PCDHGA2: variants seen among roughly 807,000 people sequenced by gnomAD.
PCDHGA2 encodes protocadherin gamma-A2.
PCDHGA2 carries 40 observed loss-of-function variants against 59.2 expected under a neutral mutation model. The observed-to-expected ratio is 0.68, with a 90% CI of 0.52 to 0.88. The LOEUF is 0.88. Among genes scored for constraint, PCDHGA2 ranks in the 40% least tolerant of loss-of-function variants. The pLI, the probability that PCDHGA2 is intolerant of heterozygous loss-of-function variation, is 0.00. For missense variants in PCDHGA2, 1,226 were observed against 1,204.0 expected, an observed-to-expected ratio of 1.02 and a Z score of -0.27; for synonymous variants, 560 against 526.0, an observed-to-expected ratio of 1.06 and a Z score of -0.89.
rs1467212186 is a variant in PCDHGA2 at position 141,339,780 on chromosome 5, A to T, written c.809A>T (p.Asp270Val). 6.2e-7 allele frequency: 1 copy of T among 1,614,110 alleles called. No homozygotes were observed. Among genetic ancestry groups the T allele is most frequent in the Admixed American group, 1.7e-5 (1 of 60,002 alleles). The change falls in exon 1 of 4, where the codon GAT becomes GTT. Residue 270 changes from aspartate (D) to valine (V), a missense_variant. Coordinates refer to ENST00000394576, the MANE Select transcript of PCDHGA2 (RefSeq NM_018915.4). ...CTCACGGTGACCGCCACTGACGCAG[A>T]TGAGGGCTACTACGCTCAAGTGGTA... is the stretch of plus-strand genomic sequence containing the variant. ...RILTVTATDA[D>V]EGYYAQVVYF...
intron 1 of PCDHGA2, among the ~76,000 whole-genome samples, chr5:141,436,328 A>G (rs146180035): frequency 6.6e-6 from 1 of 152,326 alleles, no homozygotes; most frequent in East Asian, 1.9e-4. Flanking sequence ...CTGTTAGACC[A>G]TATCTCAAAT....
intron 1 of PCDHGA2, among the ~76,000 whole-genome samples, chr5:141,451,108 G>A (rs1484218835): frequency 3.3e-5 from 5 of 151,860 alleles, no homozygotes; most frequent in South Asian, 2.1e-4. Flanking sequence ...GATTACAGGC[G>A]TGAGCCACCA....
At chr5:141,383,537 C>T in intron 1 of PCDHGA2, 1 of 1,612,570 alleles carries the variant, frequency 6.2e-7, no homozygotes, top group African/African-American at 1.3e-5. Flanking sequence ...CTGGTCCTCA[C>T]AGCCTCTGAT....
intron 1 of PCDHGA2, among the ~76,000 whole-genome samples, chr5:141,435,652 G>C (rs978809372): frequency 6.6e-6 from 1 of 152,108 alleles, no homozygotes; most frequent in Non-Finnish European, 1.5e-5. Context: ...TTTCTGAAAC[G>C]TGCACAGATT....
At chr5:141,420,311 T>C (rs762191274) in intron 1 of PCDHGA2, 102 of 1,454,698 alleles carry the variant, frequency 7.0e-5, no homozygotes, top group Non-Finnish European at 9.3e-5. Flanking sequence ...CTTTTTATAT[T>C]ACAATATGCC....
intron 1 of PCDHGA2, among the ~76,000 whole-genome samples, chr5:141,348,106 A>G (rs1316690272): frequency 1.3e-5 from 2 of 152,266 alleles, no homozygotes; most frequent in Non-Finnish European, 2.9e-5. Context: ...CTTATTCTGC[A>G]ATTTATGAAA....
Position 141,365,565 on chromosome 5 carries a change from G to A in PCDHGA2, c.2424+24170G>A, listed in dbSNP as rs140294664. The A allele has an allele frequency of 1.9e-6, 3 of 1,613,720 alleles. No individual in the cohort carries two copies. The Admixed American group carries it at 5.0e-5, about 27-fold the overall frequency. On this transcript the variant is annotated intron_variant, in intron 1 of 3. Transcript: ENST00000394576. ...CTATTAACAACTAGGGACCTGGACA[G>A]AGAAGAGACTTCAGATTATAATATC...
At chr5:141,470,469 A>T (rs1423801455) in intron 1 of PCDHGA2, among the ~76,000 whole-genome samples, 1 of 152,194 alleles carries the variant, frequency 6.6e-6, no homozygotes, top group Non-Finnish European at 1.5e-5. Context: ...ATTTTCTGAT[A>T]TTACTAACCC....
At chr5:141,344,637 C>T in intron 1 of PCDHGA2, 2 of 1,613,842 alleles carry the variant, frequency 1.2e-6, no homozygotes, top group East Asian at 2.2e-5. Context: ...GGCCCTGGAC[C>T]GTGAGAAAAA....
chr5:141,343,288 T>C (rs749521928), intron 1 of PCDHGA2: 14 of 968,282 alleles, frequency 1.4e-5, no homozygotes, highest in Admixed American at 6.2e-5. Flanking sequence ...TAAAGAAATA[T>C]AATGTATAAA....
At chr5:141,399,842 A>G (rs749737928) in intron 1 of PCDHGA2, 11 of 1,612,852 alleles carry the variant, frequency 6.8e-6, no homozygotes, top group Non-Finnish European at 8.5e-7. Flanking sequence ...GCGCTCTTCG[A>G]TATGGTGCCG....
intron 1 of PCDHGA2, chr5:141,422,395 C>T: frequency 1.9e-6 from 3 of 1,596,286 alleles, no homozygotes; most frequent in South Asian, 1.1e-5. Context: ...TATTCCTAAC[C>T]ACCTGCCTTT....
In PCDHGA2 at chr5:141,338,773, G is replaced by A. The variant is rs1756776385; in HGVS notation, c.-199G>A. Reference sequence around the variant, plus strand: ...AGCGAGACATCCAATCCAGCAATACGGCTCCCACAGCACAAGGGGGTGGAG... The same window carrying A: ...AGCGAGACATCCAATCCAGCAATACAGCTCCCACAGCACAAGGGGGTGGAG... On this transcript the variant is annotated 5_prime_UTR_variant, in exon 1 of 4. Transcript: ENST00000394576. 1 of 1,283,338 alleles carries A rather than the reference G, an allele frequency of 7.8e-7. No homozygotes were observed. Among genetic ancestry groups the A allele is most frequent in the East Asian group, 2.9e-5 (1 of 34,534 alleles). The allele number at this position is 1,283,338 out of a possible 1,614,324, so 79.5% of individuals were successfully genotyped here.
At position 141,490,027 on chromosome 5, in the gene PCDHGA2, C is replaced by T. The variant is rs767829552; in HGVS notation, c.2425-4780C>T. Reference sequence around the variant, plus strand: ...TGCACCCATTGGTACTCTGCTGCTCCGCCTCAATGCCACTGATCCAGACGA... The same window carrying T: ...TGCACCCATTGGTACTCTGCTGCTCTGCCTCAATGCCACTGATCCAGACGA... On this transcript the variant is annotated intron_variant, in intron 1 of 3. Coordinates refer to ENST00000394576, the MANE Select transcript of PCDHGA2 (RefSeq NM_018915.4). This position sits in a 1 kb window ranked among gnomAD's most constrained non-coding sequence, Gnocchi z 5.4. The T allele has an allele frequency of 2.4e-5, 39 of 1,614,096 alleles. No homozygotes were observed. The highest frequency in any genetic ancestry group is 4.0e-5 in the African/African-American group (3 of 74,942).
chr5:141,348,850 C>A (rs1758192958), intron 1 of PCDHGA2, among the ~76,000 whole-genome samples: 1 of 151,946 alleles, frequency 6.6e-6, no homozygotes, highest in South Asian at 2.1e-4. Context: ...GTGAGCACTG[C>A]AAAATAGTAG....
intron 1 of PCDHGA2, chr5:141,427,723 G>T: frequency 8.9e-7 from 1 of 1,127,490 alleles, no homozygotes; most frequent in East Asian, 2.4e-5. Flanking sequence ...CTGGACCTAG[G>T]GCTGAATGGC....
intron 1 of PCDHGA2, chr5:141,375,758 G>C (rs1473514742): frequency 1.2e-6 from 2 of 1,614,230 alleles, no homozygotes; most frequent in East Asian, 2.2e-5. Flanking sequence ...GAATGACAAT[G>C]CGCCCGAGAT....
At position 141,341,146 on chromosome 5, in the gene PCDHGA2, G is replaced by T. The variant is rs748255386; in HGVS notation, c.2175G>T (p.Leu725=). ...GGCGCTGGCACAAGTCACGCCTGCTGCAGGCTTCAGGAGGCAGCTTGACAG... is the reference window on the plus strand; with the variant it reads ...GGCGCTGGCACAAGTCACGCCTGCTTCAGGCTTCAGGAGGCAGCTTGACAG... The part of the protein sequence containing the change: ...RLRRWHKSRL[L]QASGGSLTGM... The change falls in exon 1 of 4, where the codon CTG becomes CTT. Residue 725 remains leucine (L), a synonymous_variant. Transcript: ENST00000394576. 1.2e-6 allele frequency: 2 copies of T among 1,613,150 alleles called. No individual in the cohort carries two copies. Among genetic ancestry groups the T allele is most frequent in the Non-Finnish European group, 8.5e-7 (1 of 1,179,096 alleles).
At position 141,423,686 on chromosome 5, in the gene PCDHGA2, A is replaced by T. The variant is rs752078243; in HGVS notation, c.2425-71121A>T. 10 of 1,328,296 alleles carry T rather than the reference A, an allele frequency of 7.5e-6. No homozygotes were observed. The East Asian group carries it at 3.6e-4, about 47-fold the overall frequency. The allele number at this position is 1,328,296 out of a possible 1,614,324, so 82.3% of individuals were successfully genotyped here. The stretch of plus-strand genomic sequence containing the variant: ...GTGAGATTTATTTCTCTGCCTCCTA[A>T]TTGTTGGTGTCTTGGCACAAGTCTT... On this transcript the variant is annotated intron_variant, in intron 1 of 3. Transcript: ENST00000394576.
Sources: allele counts gnomAD v4.1 joint callset (sites outside exome capture counted in the v4.1 genomes callset), GRCh38; gene constraint gnomAD v4.1.1; non-coding constraint Gnocchi (gnomAD v3.1); transcripts MANE v1.5; gene names NCBI Gene and HGNC (gene_info 2026-07-23, HGNC 2026-07-21).